Variants in GMDS observed in about 807,000 individuals in gnomAD.
The protein encoded by GMDS is GDP-mannose 4,6-dehydratase, also known as GDP-mannose 4,6 dehydratase.
GMDS carries 20 observed loss-of-function variants against 49.9 expected under a neutral mutation model. The ratio of observed to expected loss-of-function variants is 0.40; its 90% CI spans 0.28 to 0.58. GMDS has a LOEUF of 0.58. GMDS is among the 20% of genes least tolerant of loss of function. The pLI is 0.42. For synonymous variants in GMDS, 177 were observed against 178.6 expected, an observed-to-expected ratio of 0.99 and a Z score of 0.07; for missense variants, 362 against 481.4, an observed-to-expected ratio of 0.75 and a Z score of 2.32.
chr6:2,225,270 C>T (rs1780765311), intron 1 of GMDS, among the ~76,000 whole-genome samples: 1 of 152,092 alleles, frequency 6.6e-6, no homozygotes, highest in Non-Finnish European at 1.5e-5. Flanking sequence ...GTCAAGGCTT[C>T]AGTAAGCCAA....
At position 2,136,906 on chromosome 6, in the gene GMDS, CAAAAAAAA is replaced by C. The variant is rs3049649; in HGVS notation, c.103-12183_103-12176del. Among the ~76,000 whole-genome samples the C allele has an allele frequency of 1.1e-4, 14 of 127,964 alleles. No individual in the cohort carries two copies. The East Asian group carries it at 2.7e-3, about 25-fold the overall frequency. The allele number at this position is 127,964 out of a possible 152,430, so 83.9% of individuals were successfully genotyped here. A position where few individuals can be genotyped will look rare whatever the true frequency, so the allele number is the denominator to read the frequency against. On this transcript the variant is annotated intron_variant, in intron 1 of 10. Transcript: ENST00000380815. ...TGACAGAGTGAGACTTCATTTCAAACAAAAAAAAAAAAAAAAAAGAAAGAAAAACTGAT... is the reference window on the plus strand; with the variant it reads ...TGACAGAGTGAGACTTCATTTCAAACAAAAAAAAAAGAAAGAAAAACTGAT...
chr6:1,755,780 T>TA (rs1402818449), intron 7 of GMDS, among the ~76,000 whole-genome samples: 10 of 152,150 alleles, frequency 6.6e-5, no homozygotes, highest in Non-Finnish European at 1.0e-4. Context: ...ATTAAAGACT[T>TA]AAGTAAGTCC....
chr6:2,100,613 T>C (rs1773865934), intron 4 of GMDS, among the ~76,000 whole-genome samples: 1 of 151,970 alleles, frequency 6.6e-6, no homozygotes, highest in Admixed American at 6.5e-5. Context: ...GTTTGACTAA[T>C]ACAAATGGAA....
At chr6:1,629,766 C>T (rs2113148187) in intron 9 of GMDS, among the ~76,000 whole-genome samples, 1 of 152,286 alleles carries the variant, frequency 6.6e-6, no homozygotes, top group African/African-American at 2.4e-5. Flanking sequence ...CTGACCACCC[C>T]TCTCGCCGAT....
rs954777331 is a variant in GMDS at position 2,168,346 on chromosome 6, G to A, written c.103-43615C>T. Reference sequence around the variant, plus strand: ...ACCTTGATACCGGACAGCTTCATGCGCACCACTTTAAGGCCTGAGATCCAT... The same window carrying A: ...ACCTTGATACCGGACAGCTTCATGCACACCACTTTAAGGCCTGAGATCCAT... On this transcript the variant is annotated intron_variant, in intron 1 of 10. Coordinates refer to ENST00000380815, the MANE Select transcript of GMDS (RefSeq NM_001500.4). Among the ~76,000 whole-genome samples, 8 of 152,282 alleles carry A rather than the reference G, an allele frequency of 5.3e-5. No homozygotes were observed. The South Asian group carries it at 6.2e-4, about 12-fold the overall frequency.
chr6:2,215,374 C>G (rs565617406), intron 1 of GMDS, among the ~76,000 whole-genome samples: 1 of 152,122 alleles, frequency 6.6e-6, no homozygotes, highest in African/African-American at 2.4e-5. Context: ...GGAGGTCTCA[C>G]AATCATGGCA....
chr6:2,223,701 T>G (rs1364204900), intron 1 of GMDS, among the ~76,000 whole-genome samples: 2 of 152,084 alleles, frequency 1.3e-5, no homozygotes, highest in African/African-American at 4.8e-5. Flanking sequence ...TGGATTGTGG[T>G]CCTGCTTTGA....
At chr6:2,198,282 T>G (rs1779361544) in intron 1 of GMDS, among the ~76,000 whole-genome samples, 1 of 152,178 alleles carries the variant, frequency 6.6e-6, no homozygotes, top group Admixed American at 6.5e-5. Flanking sequence ...TACAGATACA[T>G]GTAATTCCTG....
At chr6:1,930,852 T>C (rs1762255253) in intron 6 of GMDS, 1 of 152,170 alleles carries the variant, frequency 6.6e-6, no homozygotes, top group Non-Finnish European at 1.5e-5. Flanking sequence ...TGGGCAAAAG[T>C]TTCTCTGTAC....
intron 1 of GMDS, among the ~76,000 whole-genome samples, chr6:2,244,864 C>A (rs145072033): frequency 2.3e-4 from 35 of 152,342 alleles, no homozygotes; most frequent in African/African-American, 7.0e-4. Flanking sequence ...CAGCAAAGCA[C>A]CCTTTTTCTT....
intron 7 of GMDS, among the ~76,000 whole-genome samples, chr6:1,837,586 G>A (rs1005408391): frequency 1.3e-5 from 2 of 152,084 alleles, no homozygotes; most frequent in African/African-American, 4.8e-5. Flanking sequence ...CCTAGTAAAG[G>A]AAGTTACTGG....
At chr6:1,674,556 CTCTCT>C (rs1396225180) in intron 9 of GMDS, among the ~76,000 whole-genome samples, 5 of 85,320 alleles carry the variant, frequency 5.9e-5, no homozygotes, top group African/African-American at 1.9e-4. Context: ...CTCTCTCTCT[CTCTCT>C]TTTTTTTTTT....
intron 6 of GMDS, 109 bp downstream of exon 6, chr6:1,959,758 T>C: frequency 4.2e-6 from 2 of 477,490 alleles, no homozygotes; most frequent in Non-Finnish European, 7.5e-6. Flanking sequence ...CATAATTAGA[T>C]ACAGATAGGA....
rs957311758 is a variant in GMDS, at chr6:2,191,166, G to T, written c.102+54155C>A. Reference sequence around the variant, plus strand: ...AGGACTCTGCACAGGGCCACCCACAGCCATGTCCCCAGGGGTCCGCCCCGC... The same window carrying T: ...AGGACTCTGCACAGGGCCACCCACATCCATGTCCCCAGGGGTCCGCCCCGC... On this transcript the variant is annotated intron_variant, in intron 1 of 10. Transcript: ENST00000380815. This position sits in a 1 kb window ranked among gnomAD's most constrained non-coding sequence, Gnocchi z 4.6. Among the ~76,000 whole-genome samples the T allele has an allele frequency of 6.6e-6, 1 of 152,104 alleles. No individual in the cohort carries two copies. Among genetic ancestry groups the T allele is most frequent in the Non-Finnish European group, 1.5e-5 (1 of 67,996 alleles).
At chr6:1,924,836 G>T (rs1179066610) in intron 7 of GMDS, among the ~76,000 whole-genome samples, 2 of 152,066 alleles carry the variant, frequency 1.3e-5, no homozygotes, top group African/African-American at 2.4e-5. Context: ...AGAGAGGTGG[G>T]CATAAAAGCA....
At chr6:2,002,951 C>T (rs1430820808) in intron 4 of GMDS, among the ~76,000 whole-genome samples, 1 of 151,934 alleles carries the variant, frequency 6.6e-6, no homozygotes, top group Non-Finnish European at 1.5e-5. Context: ...AAAATTTGAG[C>T]TTTTATAAAC....
chr6:1,702,593 C>G (rs1765580617), intron 9 of GMDS, among the ~76,000 whole-genome samples: 1 of 152,200 alleles, frequency 6.6e-6, no homozygotes, highest in Admixed American at 6.5e-5. Context: ...GAGAAGCCAC[C>G]ACGTTGTCCC....
At chr6:1,653,828 C>G (rs1763790799) in intron 9 of GMDS, among the ~76,000 whole-genome samples, 2 of 152,170 alleles carry the variant, frequency 1.3e-5, no homozygotes, top group Non-Finnish European at 2.9e-5. Context: ...ATACATAAGA[C>G]TTAAATCTAT....
At chr6:2,032,063 G>C (rs1225580228) in intron 4 of GMDS, among the ~76,000 whole-genome samples, 4 of 152,108 alleles carry the variant, frequency 2.6e-5, no homozygotes, top group Non-Finnish European at 5.9e-5. Flanking sequence ...GATCCATAAA[G>C]AACAAGTGTA....
Sources: allele counts gnomAD v4.1 joint callset (sites outside exome capture counted in the v4.1 genomes callset), GRCh38; gene constraint gnomAD v4.1.1; non-coding constraint Gnocchi (gnomAD v3.1); transcripts MANE v1.5; gene names NCBI Gene and HGNC (gene_info 2026-07-23, HGNC 2026-07-21).